Variants in P4HA3 observed in about 807,000 individuals in gnomAD.
P4HA3 encodes the protein prolyl 4-hydroxylase subunit alpha-3.
A neutral mutation model predicts 66.7 loss-of-function variants in P4HA3; 60 were observed. The observed-to-expected ratio is 0.90, with a 90% CI of 0.73 to 1.12. The LOEUF (loss-of-function observed/expected upper bound fraction) is 1.12, where lower values mean the gene tolerates loss of function less well. P4HA3 is among the 50% of genes most tolerant of loss of function. The pLI is 0.00. For synonymous variants in P4HA3, 263 were observed against 274.6 expected, an observed-to-expected ratio of 0.96 and a Z score of 0.42; for missense variants, 683 against 685.8, an observed-to-expected ratio of 1.00 and a Z score of 0.05.
intron 4 of P4HA3, among the ~76,000 whole-genome samples, chr11:74,290,505 A>T (rs1860975875): frequency 6.6e-6 from 1 of 151,358 alleles, no homozygotes; most frequent in Non-Finnish European, 1.5e-5. Flanking sequence ...TGTTTTAGAC[A>T]TTAAGTCCTT....
intron 8 of P4HA3, among the ~76,000 whole-genome samples, chr11:74,277,748 C>G (rs1860451147): frequency 6.6e-6 from 1 of 152,226 alleles, no homozygotes; most frequent in Non-Finnish European, 1.5e-5. Context: ...AGTCTCTTTT[C>G]CTGAATGTCT....
chr11:74,297,260 TAC>T (rs564524846), intron 4 of P4HA3, among the ~76,000 whole-genome samples: 59 of 152,246 alleles, frequency 3.9e-4, no homozygotes, highest in African/African-American at 1.4e-3. Context: ...GGCCAACACA[TAC>T]ACAGTTTTAC....
At position 74,269,621 on chromosome 11, in the gene P4HA3, C is replaced by T. The variant is rs376752529; in HGVS notation, c.1467+31G>A. The T allele has an allele frequency of 6.5e-5, 104 of 1,604,034 alleles. No homozygotes were observed. The African/African-American group carries it at 1.3e-3, about 20-fold the overall frequency. On this transcript the variant is annotated intron_variant, in intron 11 of 12. Transcript: ENST00000331597. Reference sequence around the variant, plus strand: ...GAGGGTAAGCGCTGCACTCCCTCAACCCCGTCTTCTGGGACCAGGGCCCCA... The same window carrying T: ...GAGGGTAAGCGCTGCACTCCCTCAATCCCGTCTTCTGGGACCAGGGCCCCA...
intron 10 of P4HA3, among the ~76,000 whole-genome samples, chr11:74,272,455 C>G (rs528203716): frequency 6.6e-6 from 1 of 152,288 alleles, no homozygotes; most frequent in South Asian, 2.1e-4. Flanking sequence ...ACCAGAGATG[C>G]AACCAACTGC....
At chr11:74,262,458 T>C (rs1423667997), downstream of P4HA3, among the ~76,000 whole-genome samples, 1 of 151,782 alleles carries the variant, frequency 6.6e-6, no homozygotes. Flanking sequence ...GGGTCCACAG[T>C]GGGGAAGAGA....
At position 74,266,964 on chromosome 11, in the gene P4HA3, CAG is replaced by C. The variant is rs751638577; in HGVS notation, c.*282_*283del. 7.8e-4 allele frequency: 1,100 copies of C among 1,415,976 alleles called. 2 individuals carry two copies. The highest frequency in any genetic ancestry group is 9.7e-4 in the Non-Finnish European group (1,037 of 1,065,218). 87.7% of individuals were successfully genotyped at this position (1,415,976 alleles called of 1,614,324 possible). ...GACTGTTGAGATGTCCTGTTCCCAACAGAGAGTATCTGAACTCCAGAAACTTC... is the reference window on the plus strand; with the variant it reads ...GACTGTTGAGATGTCCTGTTCCCAACAGAGTATCTGAACTCCAGAAACTTC... On this transcript the variant is annotated 3_prime_UTR_variant, in exon 13 of 13. Coordinates refer to ENST00000331597, the MANE Select transcript of P4HA3 (RefSeq NM_182904.5).
chr11:74,290,495 T>A (rs1860975546), intron 4 of P4HA3, among the ~76,000 whole-genome samples: 1 of 151,356 alleles, frequency 6.6e-6, no homozygotes, highest in South Asian at 2.1e-4. Flanking sequence ...TTGCTTTTGG[T>A]GTTTTAGACA....
chr11:74,267,357 C>T (rs1860024834), intron 12 of P4HA3, 39 bp from the exon 13 acceptor site: 2 of 1,608,510 alleles, frequency 1.2e-6, no homozygotes, highest in South Asian at 1.1e-5. Context: ...GCAGGCTCAG[C>T]AGAACAGACA....
chr11:74,252,962 G>A (rs1430921754), intron 15 of P4HA3, among the ~76,000 whole-genome samples: 6 of 152,180 alleles, frequency 3.9e-5, no homozygotes, highest in Admixed American at 3.3e-4. Context: ...CAACCCTCAT[G>A]AGGAGTCATT....
At chr11:74,280,259 T>A (rs191627111) in intron 7 of P4HA3, among the ~76,000 whole-genome samples, 2 of 151,984 alleles carry the variant, frequency 1.3e-5, no homozygotes, top group African/African-American at 4.8e-5. Flanking sequence ...ACTCAAGCAA[T>A]CCTCCCACCT....
intron 8 of P4HA3, 59 bp from the exon 9 acceptor site, chr11:74,277,203 G>A (rs565943469): frequency 3.6e-5 from 55 of 1,536,218 alleles, no homozygotes; most frequent in African/African-American, 3.3e-4. Flanking sequence ...ACTAAATGAC[G>A]TCTCTGAATG....
At chr11:74,304,133 G>C in intron 2 of P4HA3, 137 bp downstream of exon 2, 2 of 1,148,210 alleles carry the variant, frequency 1.7e-6, no homozygotes, top group Non-Finnish European at 2.5e-6. Context: ...CTTTGTGCTA[G>C]CTAGAGCTAA....
chr11:74,286,222 T>A lies in P4HA3; in HGVS notation c.933+6A>T. 1.2e-6 allele frequency: 2 copies of A among 1,611,046 alleles called. No homozygotes were observed. The highest frequency in any genetic ancestry group is 2.2e-5 in the East Asian group (1 of 44,850). ...TCCCCCTTTCTCTTTCCCTGAGGAA[T>A]CCTACCTGGGAACCCAGGGTCTGAC... On this transcript the variant is annotated splice_donor_region_variant and intron_variant, in intron 6 of 12. Transcript: ENST00000331597.
chr11:74,299,104 A>C (rs1209962580), intron 3 of P4HA3, among the ~76,000 whole-genome samples: 1 of 152,262 alleles, frequency 6.6e-6, no homozygotes, highest in African/African-American at 2.4e-5. Context: ...AACACAATGC[A>C]TTAGACACCA....
At chr11:74,296,361 A>T (rs905673112) in intron 4 of P4HA3, among the ~76,000 whole-genome samples, 8 of 152,082 alleles carry the variant, frequency 5.3e-5, no homozygotes, top group African/African-American at 1.4e-4. Context: ...AGTTATTAAA[A>T]TTTTTTTTAC....
At chr11:74,274,249 T>G (rs908293071) in intron 9 of P4HA3, among the ~76,000 whole-genome samples, 1 of 151,916 alleles carries the variant, frequency 6.6e-6, no homozygotes, top group Admixed American at 6.6e-5. Flanking sequence ...AATTTGTTTA[T>G]CCGTTCACCT....
chr11:74,262,296 A>G (rs1343596184), downstream of P4HA3, among the ~76,000 whole-genome samples: 1 of 152,176 alleles, frequency 6.6e-6, no homozygotes, highest in Non-Finnish European at 1.5e-5. Flanking sequence ...AGGACAGGGA[A>G]ACTCTGTCAC....
At chr11:74,302,743 AG>A in intron 2 of P4HA3, 151 bp from the exon 3 acceptor site, 1 of 691,166 alleles carries the variant, frequency 1.4e-6, no homozygotes, top group South Asian at 1.9e-5. Flanking sequence ...TTCCTGGCAC[AG>A]GGTGGATGCT....
At chr11:74,251,826 A>C (rs1213084509) in intron 15 of P4HA3, 5 of 1,343,302 alleles carry the variant, frequency 3.7e-6, no homozygotes, top group Non-Finnish European at 5.3e-6. Context: ...TTTGGTCACC[A>C]TGCCTTTCTT....
Sources: gnomAD v4.1 joint callset for allele counts (sites outside exome capture counted in the v4.1 genomes callset) on GRCh38, gnomAD v4.1.1 for gene constraint, MANE v1.5 for transcripts, NCBI Gene and HGNC (gene_info 2026-07-23, HGNC 2026-07-21) for gene names.